The following YWHAZ variants were observed in gnomAD, a reference collection of about 807,000 sequenced individuals.
YWHAZ encodes 14-3-3 protein zeta/delta.
For missense variants in YWHAZ, 79 were observed against 284.8 expected, an observed-to-expected ratio of 0.28 and a Z score of 5.20; for synonymous variants, 87 against 103.6, an observed-to-expected ratio of 0.84 and a Z score of 0.97.
At chr8:100,944,472 TATAA>T (rs1231734909) in intron 2 of YWHAZ, among the ~76,000 whole-genome samples, 2 of 152,214 alleles carry the variant, frequency 1.3e-5, no homozygotes, top group African/African-American at 2.4e-5. Flanking sequence ...TGCCAACTGT[TATAA>T]ATGTTAGACA....
intron 1 of YWHAZ, chr8:100,951,348 G>A (rs1428394133): frequency 3.0e-6 from 3 of 984,442 alleles, no homozygotes; most frequent in African/African-American, 3.5e-5. Flanking sequence ...ACCGCCTCCC[G>A]GGGTGGGGGA....
At position 100,948,123 on chromosome 8, in the gene YWHAZ, A is replaced by G; in HGVS notation, c.294+473T>C. The G allele has an allele frequency of 6.5e-7, 1 of 1,534,864 alleles. No homozygotes were observed. Among genetic ancestry groups the G allele is most frequent in the Non-Finnish European group, 8.7e-7 (1 of 1,146,686 alleles). On this transcript the variant is annotated intron_variant, in intron 2 of 5. Transcript: ENST00000395958. The surrounding 1 kb of genome is among the most constrained non-coding windows in gnomAD (Gnocchi z 4.2). ...AGAGGTTTCATAGTTGTGACGCCAG[A>G]GTTTTCTGCATGGTTGACTCATTAC...
upstream of YWHAZ, chr8:100,953,161 G>A (rs1030925785): frequency 2.0e-6 from 2 of 985,718 alleles, no homozygotes; most frequent in African/African-American, 3.5e-5. Flanking sequence ...TTGACCCGGA[G>A]ACAGGCAGTC....
intron 5 of YWHAZ, 131 bp downstream of exon 5, chr8:100,923,824 A>G (rs1426741688): frequency 1.6e-6 from 1 of 638,404 alleles, no homozygotes; most frequent in Non-Finnish European, 2.6e-6. Flanking sequence ...GCTGAGATAT[A>G]TTTATGAGAG....
In YWHAZ at chr8:100,925,547, A is replaced by T. The variant is rs910218469; in HGVS notation, c.295-508T>A. Among the ~76,000 whole-genome samples, 8 of 152,302 alleles carry T rather than the reference A, an allele frequency of 5.3e-5. 1 individual carries two copies. In the South Asian group the frequency reaches 1.7e-3, roughly 32 times the overall value. On this transcript the variant is annotated intron_variant, in intron 2 of 5. Transcript: ENST00000395958. Reference sequence around the variant, plus strand: ...AATAAACTTCATTTATAACAACACAATTCAAGCAAACCTCACAACAGATAA... The same window carrying T: ...AATAAACTTCATTTATAACAACACATTTCAAGCAAACCTCACAACAGATAA...
Position 100,916,800 on chromosome 8 carries a change from C to CGAA in YWHAZ, c.*3892_*3893insTTC, listed in dbSNP as rs1812729760. 1 of 152,146 alleles carries CGAA rather than the reference C, an allele frequency of 6.6e-6. No individual in the cohort carries two copies. The highest frequency in any genetic ancestry group is 6.5e-5 in the Admixed American group (1 of 15,274). 9.4% of individuals were successfully genotyped at this position (152,146 alleles called of 1,614,324 possible). Reference sequence around the variant, plus strand: ...GCAAGGTTGGACATCCTGTTACAATCTATATTCAGGTCTCTCCACTTTGAA... The same window carrying CGAA: ...GCAAGGTTGGACATCCTGTTACAATCGAATATATTCAGGTCTCTCCACTTTGAA... On this transcript the variant is annotated 3_prime_UTR_variant, in exon 6 of 6. Transcript: ENST00000395958.
At position 100,918,346 on chromosome 8, in the gene YWHAZ, A is replaced by C. The variant is rs1391140123; in HGVS notation, c.*2347T>G. 1.3e-5 allele frequency: 1 copy of C among 74,142 alleles called. No homozygotes were observed. Among genetic ancestry groups the C allele is most frequent in the Non-Finnish European group, 3.0e-5 (1 of 33,238 alleles). 4.6% of individuals were successfully genotyped at this position (74,142 alleles called of 1,614,324 possible). ...TGACAGAGCAAGACTCTTGTCTCCAAAAAAAAAAAAAACAACAAAAAAATT... is the reference window on the plus strand; with the variant it reads ...TGACAGAGCAAGACTCTTGTCTCCACAAAAAAAAAAAACAACAAAAAAATT... On this transcript the variant is annotated 3_prime_UTR_variant, in exon 6 of 6. Transcript: ENST00000395958.
intron 2 of YWHAZ, chr8:100,934,924 C>A (rs1273044446): frequency 1.3e-5 from 2 of 151,904 alleles, no homozygotes; most frequent in African/African-American, 4.8e-5. Context: ...CTCTTAACAC[C>A]TAAATTCTTA....
chr8:100,939,556 G>A (rs1042127565), intron 2 of YWHAZ, among the ~76,000 whole-genome samples: 1 of 152,054 alleles, frequency 6.6e-6, no homozygotes, highest in Non-Finnish European at 1.5e-5. Context: ...CTACTCAGGA[G>A]GCCGAGGCAG....
chr8:100,928,963 T>C (rs916730761), intron 2 of YWHAZ, among the ~76,000 whole-genome samples: 1 of 152,154 alleles, frequency 6.6e-6, no homozygotes, highest in Non-Finnish European at 1.5e-5. Context: ...GGTCCAGTAC[T>C]GGAACCTGCT....
In YWHAZ at chr8:100,925,037, A is replaced by G; in HGVS notation, c.297T>C (p.Ser99=). The G allele has an allele frequency of 6.2e-7, 1 of 1,611,032 alleles. No individual in the cohort carries two copies. The highest frequency in any genetic ancestry group is 8.5e-7 in the Non-Finnish European group (1 of 1,179,170). ...TGGGGATCAAGAACTTTTCCAAAAG[A>G]GACTTAAGAAGAAAAGAAACAGACA... is the stretch of plus-strand genomic sequence containing the variant. ...ELRDICNDVL[S]LLEKFLIPNA... is the part of the protein sequence containing the mutation. Residue 99 remains serine, a splice_region_variant and synonymous_variant, in exon 3 of 6, where the codon TCT becomes TCC. Coordinates refer to ENST00000395958, the MANE Select transcript of YWHAZ (RefSeq NM_145690.3).
chr8:100,933,650 T>C (rs528826770), intron 2 of YWHAZ, among the ~76,000 whole-genome samples: 2 of 152,204 alleles, frequency 1.3e-5, no homozygotes, highest in Non-Finnish European at 1.5e-5. Context: ...TCTGTACAGA[T>C]AGTGTGTAGT....
At chr8:100,950,677 G>T in intron 1 of YWHAZ, 1 of 869,276 alleles carries the variant, frequency 1.2e-6, no homozygotes, top group Non-Finnish European at 1.4e-6. Context: ...GGAGAGATGG[G>T]GAGCGAAGCC....
At chr8:100,951,583 C>T (rs1810787111) in intron 1 of YWHAZ, 8 of 984,394 alleles carry the variant, frequency 8.1e-6, no homozygotes, top group Non-Finnish European at 9.6e-6. Flanking sequence ...GCCGGCGGCG[C>T]CCCGGCCATG....
upstream of YWHAZ, chr8:100,952,686 T>C: frequency 1.5e-6 from 1 of 680,224 alleles, no homozygotes; most frequent in Non-Finnish European, 1.8e-6. Context: ...TGATCAGGAC[T>C]TGCGGGGCGG....
At position 100,918,529 on chromosome 8, in the gene YWHAZ, C is replaced by T. The variant is rs1812818430; in HGVS notation, c.*2164G>A. On this transcript the variant is annotated 3_prime_UTR_variant, in exon 6 of 6. Coordinates refer to ENST00000395958, the MANE Select transcript of YWHAZ (RefSeq NM_145690.3). ...AGCTGCGAGGGAAAAGGATTGTTGC[C>T]CTAGATGCAGAAGGTATCTTTTCTC... is the stretch of plus-strand genomic sequence containing the variant. The T allele has an allele frequency of 6.8e-6, 1 of 146,446 alleles. No homozygotes were observed. The highest frequency in any genetic ancestry group is 7.0e-5 in the Admixed American group (1 of 14,306). 9.1% of individuals were successfully genotyped at this position (146,446 alleles called of 1,614,324 possible).
chr8:100,930,388 C>T (rs976675361), intron 2 of YWHAZ, among the ~76,000 whole-genome samples: 12 of 152,170 alleles, frequency 7.9e-5, no homozygotes, highest in African/African-American at 2.4e-5. Context: ...TGAGCCACCG[C>T]GCCCAGCCAA....
intron 1 of YWHAZ, chr8:100,951,507 GGAAGCGA>G (rs1810779743): frequency 1.0e-6 from 1 of 985,660 alleles, no homozygotes; most frequent in Admixed American, 6.2e-5. Flanking sequence ...TATCTCGGGC[GGAAGCGA>G]GAAGGGCGGC....
chr8:100,927,477 T>C (rs956157303), intron 2 of YWHAZ, among the ~76,000 whole-genome samples: 6 of 152,174 alleles, frequency 3.9e-5, no homozygotes, highest in South Asian at 2.1e-4. Flanking sequence ...TGATCTGTAA[T>C]TGAATTATAC....
Sources: allele counts gnomAD v4.1 joint callset (sites outside exome capture counted in the v4.1 genomes callset), GRCh38; gene constraint gnomAD v4.1.1; non-coding constraint Gnocchi (gnomAD v3.1); transcripts MANE v1.5; gene names NCBI Gene and HGNC (gene_info 2026-07-23, HGNC 2026-07-21).